The following MEGF6 variants were observed in gnomAD, a reference collection of about 807,000 sequenced individuals.
MEGF6 encodes multiple epidermal growth factor-like domains protein 6.
MEGF6 carries 184 observed loss-of-function variants against 207.1 expected under a neutral mutation model. That is an observed-to-expected ratio of 0.89 (90% CI 0.79 to 1.00). The LOEUF (loss-of-function observed/expected upper bound fraction) is 1.00, where lower values mean the gene tolerates loss of function less well. Among genes scored for constraint, MEGF6 ranks in the 50% least tolerant of loss-of-function variants. The pLI is 0.00. For missense variants in MEGF6, 2,282 were observed against 2,202.9 expected, an observed-to-expected ratio of 1.04 and a Z score of -0.72; for synonymous variants, 1,038 against 910.0, an observed-to-expected ratio of 1.14 and a Z score of -2.53.
intron 21 of MEGF6, 123 bp downstream of exon 21, chr1:3,500,510 A>G: frequency 1.4e-6 from 2 of 1,384,778 alleles, no homozygotes; most frequent in Non-Finnish European, 1.9e-6. Context: ...GGCGCGGCCA[A>G]AGGCTTCGTG....
chr1:3,519,758 C>G (rs904074030), intron 5 of MEGF6, among the ~76,000 whole-genome samples: 2 of 152,178 alleles, frequency 1.3e-5, no homozygotes, highest in Non-Finnish European at 2.9e-5. Flanking sequence ...GCCTCCCCTC[C>G]CGGGCCGGGC....
Position 3,611,153 on chromosome 1 carries a change from G to T in MEGF6, c.116C>A (p.Pro39Gln). The change falls in exon 1 of 37, where the codon CCG becomes CAG. Residue 39 changes from proline (P) to glutamine (Q), a missense_variant. By Grantham distance (76) the Pro-to-Gln change is moderately conservative. Coordinates refer to ENST00000356575, the MANE Select transcript of MEGF6 (RefSeq NM_001409.4). Reference protein sequence around the residue: ...GASVPPRPLLPLQPGMPHVCA... With the variant: ...GASVPPRPLLQLQPGMPHVCA... ...TGCTACTCACATGCCGGGCTGCAGC[G>T]GGAGCAGGGGCCGCGGCGGAACGCT... 6.5e-7 allele frequency: 1 copy of T among 1,527,398 alleles called. No individual in the cohort carries two copies. The highest frequency in any genetic ancestry group is 2.6e-5 in the East Asian group (1 of 38,476). 94.6% of individuals were successfully genotyped at this position (1,527,398 alleles called of 1,614,324 possible). A position where few individuals can be genotyped will look rare whatever the true frequency, so the allele number is the denominator to read the frequency against.
chr1:3,554,135 C>T (rs928320678), intron 4 of MEGF6, among the ~76,000 whole-genome samples: 14 of 152,150 alleles, frequency 9.2e-5, no homozygotes, highest in Admixed American at 5.2e-4. Flanking sequence ...AGAGCACATG[C>T]GCCCCATCCC....
At position 3,594,342 on chromosome 1, in the gene MEGF6, T is replaced by C. The variant is rs1292839742; in HGVS notation, c.376+996A>G. 2.0e-5 allele frequency among the ~76,000 whole-genome samples: 3 copies of C among 152,108 alleles called. No homozygotes were observed. Among genetic ancestry groups the C allele is most frequent in the Non-Finnish European group, 4.4e-5 (3 of 68,012 alleles). Reference sequence around the variant, plus strand: ...CACTCGGGAGGCTGAGGTGGGAGGATTGCTTGAGTCCAGGAATTTGAGGCT... The same window carrying C: ...CACTCGGGAGGCTGAGGTGGGAGGACTGCTTGAGTCCAGGAATTTGAGGCT... On this transcript the variant is annotated intron_variant, in intron 3 of 36. Coordinates refer to ENST00000356575, the MANE Select transcript of MEGF6 (RefSeq NM_001409.4). The surrounding 1 kb of genome is among the most constrained non-coding windows in gnomAD (Gnocchi z 4.2).
At chr1:3,623,836 C>T in the MEGF6 span, among the ~76,000 whole-genome samples, 1 of 152,120 alleles carries the variant, frequency 6.6e-6, no homozygotes, top group African/African-American at 2.4e-5. Flanking sequence ...GGTCTTTGAC[C>T]ACCGCTACCC....
chr1:3,560,770 C>T lies in MEGF6; in HGVS notation c.481+19055G>A. On this transcript the variant is annotated intron_variant, in intron 4 of 36. Coordinates refer to ENST00000356575, the MANE Select transcript of MEGF6 (RefSeq NM_001409.4). The surrounding 1 kb of genome is among the most constrained non-coding windows in gnomAD (Gnocchi z 4.0). ...ACTGGCCCCACCCACTCTGGATTTC[C>T]AGGGTCACCCGGCAGTCCCCTCTGG... 1 of 473,812 alleles carries T rather than the reference C, an allele frequency of 2.1e-6. No individual in the cohort carries two copies. The highest frequency in any genetic ancestry group is 6.9e-5 in the East Asian group (1 of 14,512). 29.4% of individuals were successfully genotyped at this position (473,812 alleles called of 1,614,324 possible).
chr1:3,560,611 T>C lies in MEGF6; in HGVS notation c.481+19214A>G, dbSNP rs1643171061. The C allele has an allele frequency of 1.2e-5, 5 of 401,756 alleles. No individual in the cohort carries two copies. The highest frequency in any genetic ancestry group is 1.6e-5 in the Non-Finnish European group (3 of 191,824). The allele number at this position is 401,756 out of a possible 1,614,324, so 24.9% of individuals were successfully genotyped here. A position where few individuals can be genotyped will look rare whatever the true frequency, so the allele number is the denominator to read the frequency against. ...CCTGTTCTCCAAGAGAAACGCTCCA[T>C]AGGCAGGGAAAGGCTCTGGGGATCC... On this transcript the variant is annotated intron_variant, in intron 4 of 36. Transcript: ENST00000356575. The surrounding 1 kb of genome is among the most constrained non-coding windows in gnomAD (Gnocchi z 4.0).
intron 4 of MEGF6, among the ~76,000 whole-genome samples, chr1:3,527,352 T>C (rs1642001907): frequency 6.6e-6 from 1 of 152,232 alleles, no homozygotes; most frequent in African/African-American, 2.4e-5. Context: ...GCTCTGAGAA[T>C]GTGCCTGCAA....
chr1:3,511,801 G>A, intron 8 of MEGF6, 114 bp from the exon 9 acceptor site: 1 of 1,494,286 alleles, frequency 6.7e-7, no homozygotes, highest in East Asian at 2.3e-5. Flanking sequence ...GACACCCGTG[G>A]GAAGCAGCAA....
At chr1:3,568,110 G>A (rs1056548505) in intron 4 of MEGF6, among the ~76,000 whole-genome samples, 1 of 152,178 alleles carries the variant, frequency 6.6e-6, no homozygotes, top group Non-Finnish European at 1.5e-5. Context: ...TGCACCCGGA[G>A]TCTCCACAGC....
chr1:3,619,833 T>A, the MEGF6 span, among the ~76,000 whole-genome samples: 1 of 151,842 alleles, frequency 6.6e-6, no homozygotes, highest in Non-Finnish European at 1.5e-5. Flanking sequence ...AATGTGGAGG[T>A]GATTTTGGAA....
At chr1:3,496,164 C>T in intron 29 of MEGF6, 146 bp from the exon 30 acceptor site, 1 of 1,218,590 alleles carries the variant, frequency 8.2e-7, no homozygotes, top group Non-Finnish European at 1.1e-6. Context: ...CTCTCATGCA[C>T]CCACCCTGGC....
At chr1:3,580,141 G>T (rs774610245) in intron 3 of MEGF6, among the ~76,000 whole-genome samples, 2 of 152,246 alleles carry the variant, frequency 1.3e-5, no homozygotes, top group Middle Eastern at 3.4e-3. Flanking sequence ...GGGGTTAGGC[G>T]GAACCCCTCT....
chr1:3,603,507 G>C (rs1442175457), intron 1 of MEGF6, among the ~76,000 whole-genome samples: 1 of 152,148 alleles, frequency 6.6e-6, no homozygotes, highest in Non-Finnish European at 1.5e-5. Context: ...GAGGAAAGAA[G>C]AGGCTTGTCC....
At position 3,501,020 on chromosome 1, in the gene MEGF6, C is replaced by G; in HGVS notation, c.2521G>C (p.Ala841Pro). The change falls in exon 20 of 37, where the codon GCC becomes CCC. Residue 841 changes from alanine (A) to proline (P), a missense_variant. Transcript: ENST00000356575. The stretch of plus-strand genomic sequence containing the variant: ...GGGGCACAGCTGCAGTGTCCGGTGG[C>G]TGGGTGGCAGTGCCCATCATTGGCA... ...SCANDGHCHPATGHCSCAPGW... is the reference protein window; with the variant it reads ...SCANDGHCHPPTGHCSCAPGW... 1 of 1,612,636 alleles carries G rather than the reference C, an allele frequency of 6.2e-7. No individual in the cohort carries two copies. The highest frequency in any genetic ancestry group is 8.5e-7 in the Non-Finnish European group (1 of 1,179,962).
At position 3,579,419 on chromosome 1, in the gene MEGF6, G is replaced by A. The variant is rs534359048; in HGVS notation, c.481+406C>T. Reference sequence around the variant, plus strand: ...TGCGGTTACTCAACCAGTCGCCTTGGCTAAGACCCCCGGGTGTCCCCCATC... The same window carrying A: ...TGCGGTTACTCAACCAGTCGCCTTGACTAAGACCCCCGGGTGTCCCCCATC... On this transcript the variant is annotated intron_variant, in intron 4 of 36. Coordinates refer to ENST00000356575, the MANE Select transcript of MEGF6 (RefSeq NM_001409.4). 9.9e-5 allele frequency among the ~76,000 whole-genome samples: 15 copies of A among 152,282 alleles called. No individual in the cohort carries two copies. The South Asian group carries it at 1.0e-3, about 11-fold the overall frequency.
At chr1:3,608,097 TCG>T (rs1644277731) in intron 1 of MEGF6, among the ~76,000 whole-genome samples, 1 of 151,896 alleles carries the variant, frequency 6.6e-6, no homozygotes, top group Non-Finnish European at 1.5e-5. Flanking sequence ...GCCAACGGCC[TCG>T]CGCTTATTTT....
intron 3 of MEGF6, 72 bp from the exon 4 acceptor site, chr1:3,580,001 T>A: frequency 2.6e-6 from 3 of 1,147,158 alleles, no homozygotes; most frequent in Non-Finnish European, 3.6e-6. Context: ...GGCCTGAGGG[T>A]CTCTCGGGCA....
chr1:3,576,047 G>A (rs531214865), intron 4 of MEGF6, among the ~76,000 whole-genome samples: 46 of 152,352 alleles, frequency 3.0e-4, no homozygotes, highest in African/African-American at 9.4e-4. Flanking sequence ...AGGTTACCCC[G>A]GTCACACAGG....
Sources: gnomAD v4.1 joint callset for allele counts (sites outside exome capture counted in the v4.1 genomes callset) on GRCh38, gnomAD v4.1.1 for gene constraint, Gnocchi (gnomAD v3.1) non-coding constraint, MANE v1.5 for transcripts, NCBI Gene and HGNC (gene_info 2026-07-23, HGNC 2026-07-21) for gene names.